The following PPP2R2B variants were observed in gnomAD, a reference collection of about 807,000 sequenced individuals.
The protein encoded by PPP2R2B is serine/threonine-protein phosphatase 2A 55 kDa regulatory subunit B beta isoform.
Under a neutral mutation model 46.0 loss-of-function variants are expected in PPP2R2B, and 5 were observed. The ratio of observed to expected loss-of-function variants is 0.11; its 90% CI spans 0.06 to 0.23. The LOEUF (loss-of-function observed/expected upper bound fraction) is 0.23, where lower values mean the gene tolerates loss of function less well. PPP2R2B is among the 10% of genes least tolerant of loss of function. The probability of loss-of-function intolerance (pLI) is 1.00; values close to 1 mark genes in which losing one functional copy is unlikely to be tolerated. For missense variants in PPP2R2B, 367 were observed against 575.0 expected (o/e 0.64, Z 3.70); for synonymous variants, 215 against 206.7 (o/e 1.04, Z -0.34).
intron 2 of PPP2R2B, among the ~76,000 whole-genome samples, chr5:146,795,692 G>A (rs559186453): frequency 6.6e-6 from 1 of 152,210 alleles, no homozygotes; most frequent in East Asian, 1.9e-4. Flanking sequence ...CAAAACATAA[G>A]CATGTGAGGT....
chr5:146,898,497 A>ATG lies in PPP2R2B; in HGVS notation c.79+157167_79+157168insCA, dbSNP rs1582383986. Among the ~76,000 whole-genome samples the ATG allele has an allele frequency of 2.0e-5, 3 of 152,232 alleles. No individual in the cohort carries two copies. In the East Asian group the frequency reaches 5.8e-4, roughly 29 times the overall value. On this transcript the variant is annotated intron_variant, in intron 1 of 8. Transcript: ENST00000336640. ...TTCAAGATGGATTAAAGACTTGAAC[A>ATG]TTAGACCTAAAACCATAAAAACCCT...
intron 2 of PPP2R2B, among the ~76,000 whole-genome samples, chr5:147,062,996 G>GAGGA (rs1757307414): frequency 1.1e-4 from 7 of 64,986 alleles, no homozygotes; most frequent in Admixed American, 3.4e-4. Context: ...GGGAGGGAGG[G>GAGGA]AGGGGGGAAG....
intron 1 of PPP2R2B, among the ~76,000 whole-genome samples, chr5:146,907,795 A>G (rs765101116): frequency 6.6e-6 from 1 of 152,122 alleles, no homozygotes; most frequent in East Asian, 1.9e-4. Context: ...GTTATTAACT[A>G]TTGGGTCCTG....
chr5:147,028,446 A>G (rs2151889812), intron 1 of PPP2R2B, among the ~76,000 whole-genome samples: 1 of 152,290 alleles, frequency 6.6e-6, no homozygotes, highest in Admixed American at 6.5e-5. Context: ...GTCATTCCCC[A>G]TTTTATCCCA....
At chr5:146,606,187 G>A (rs926657867) in intron 7 of PPP2R2B, among the ~76,000 whole-genome samples, 2 of 152,212 alleles carry the variant, frequency 1.3e-5, no homozygotes, top group Non-Finnish European at 2.9e-5. Context: ...TCTGGGGATA[G>A]GAGAAGAGAG....
intron 1 of PPP2R2B, among the ~76,000 whole-genome samples, chr5:146,950,455 G>A (rs1764618367): frequency 6.6e-6 from 1 of 151,944 alleles, no homozygotes; most frequent in South Asian, 2.1e-4. Context: ...AAAAATTTAA[G>A]TTTCAAGTTG....
intron 5 of PPP2R2B, among the ~76,000 whole-genome samples, chr5:146,669,687 C>T (rs1343746425): frequency 2.6e-5 from 4 of 152,110 alleles, no homozygotes; most frequent in Non-Finnish European, 4.4e-5. Context: ...GTATGCTTTA[C>T]ATACGTTACC....
rs80172932 is a variant in PPP2R2B at position 146,595,870 on chromosome 5, T to C, written c.961-2808A>G. ...ATCCTATTAATTTGTGCATGGGATT[T>C]TGGACGCCAGACTGAGTGTCCCAGT... On this transcript the variant is annotated intron_variant, in intron 8 of 9. Coordinates refer to ENST00000394411, the MANE Select transcript of PPP2R2B (RefSeq NM_181675.4). 3.8e-3 allele frequency among the ~76,000 whole-genome samples: 578 copies of C among 152,348 alleles called. 4 individuals are homozygous for C. Among genetic ancestry groups the C allele is most frequent in the South Asian group, 0.016 (78 of 4,824 alleles).
chr5:147,081,052 C>T, intron 2 of PPP2R2B: 3 of 1,534,412 alleles, frequency 2.0e-6, no homozygotes, highest in Non-Finnish European at 2.6e-6. Flanking sequence ...ATGGGGATTT[C>T]TCCTACCTTC....
At chr5:146,700,966 C>G in intron 3 of PPP2R2B, 79 bp downstream of exon 3, 1 of 1,286,234 alleles carries the variant, frequency 7.8e-7, no homozygotes, top group Non-Finnish European at 1.1e-6. Flanking sequence ...TTAAGGGCGA[C>G]ACATAAGGAT....
chr5:146,778,505 C>A (rs1367085687), intron 2 of PPP2R2B, among the ~76,000 whole-genome samples: 1 of 152,134 alleles, frequency 6.6e-6, no homozygotes, highest in African/African-American at 2.4e-5. Flanking sequence ...ATAGCTATTG[C>A]CAGTGTTGTC....
intron 1 of PPP2R2B, among the ~76,000 whole-genome samples, chr5:147,036,481 T>C (rs1249457052): frequency 6.6e-6 from 1 of 152,238 alleles, no homozygotes; most frequent in Non-Finnish European, 1.5e-5. Flanking sequence ...AACATATACA[T>C]GCATATATCT....
At chr5:146,782,692 C>A (rs1399501420) in intron 2 of PPP2R2B, among the ~76,000 whole-genome samples, 3 of 151,914 alleles carry the variant, frequency 2.0e-5, no homozygotes, top group Non-Finnish European at 4.4e-5. Flanking sequence ...AAGAGTTGAT[C>A]CATAGTTTTT....
intron 1 of PPP2R2B, among the ~76,000 whole-genome samples, chr5:147,016,261 G>A (rs1281570655): frequency 6.6e-6 from 1 of 151,172 alleles, no homozygotes; most frequent in African/African-American, 2.4e-5. Context: ...TGTGAACCCA[G>A]GACTTCGCGG....
chr5:146,853,682 C>A (rs1561960580), intron 2 of PPP2R2B, among the ~76,000 whole-genome samples: 2 of 151,634 alleles, frequency 1.3e-5, no homozygotes, highest in Non-Finnish European at 2.9e-5. Context: ...TTTTTTTCCA[C>A]CAGCAGCAGT....
At chr5:146,896,409 C>T (rs555649596) in intron 1 of PPP2R2B, among the ~76,000 whole-genome samples, 1 of 152,194 alleles carries the variant, frequency 6.6e-6, no homozygotes, top group East Asian at 1.9e-4. Context: ...CCCACTGTTA[C>T]TTGACTCTAC....
intron 2 of PPP2R2B, among the ~76,000 whole-genome samples, chr5:146,849,769 T>C (rs1012961412): frequency 2.6e-5 from 4 of 152,178 alleles, no homozygotes; most frequent in African/African-American, 7.2e-5. Context: ...AAATGGTTTG[T>C]TTCTCCACAG....
intron 2 of PPP2R2B, among the ~76,000 whole-genome samples, chr5:146,870,219 A>G (rs1761532977): frequency 6.6e-6 from 1 of 152,164 alleles, no homozygotes; most frequent in Admixed American, 6.5e-5. Flanking sequence ...TCAGTTCCCC[A>G]GTGTTATGGA....
At chr5:146,998,542 T>A (rs1561565920) in intron 1 of PPP2R2B, among the ~76,000 whole-genome samples, 1 of 152,114 alleles carries the variant, frequency 6.6e-6, no homozygotes. Context: ...GCATGCACAT[T>A]TGCAGCCTTC....
Sources: gnomAD v4.1 joint callset for allele counts (sites outside exome capture counted in the v4.1 genomes callset) on GRCh38, gnomAD v4.1.1 for gene constraint, MANE v1.5 for transcripts, NCBI Gene and HGNC (gene_info 2026-07-23, HGNC 2026-07-21) for gene names.